The following LRRC4C variants were observed in gnomAD, a reference collection of about 807,000 sequenced individuals.
LRRC4C encodes the protein leucine rich repeat containing 4C, also known as leucine-rich repeat-containing protein 4C.
In LRRC4C, 5 loss-of-function variants were observed where a neutral mutation model predicts 33.6. That is an observed-to-expected ratio of 0.15 (90% CI 0.08 to 0.31). LRRC4C has a LOEUF of 0.31. Ranked by LOEUF, LRRC4C falls within the 10% of genes least tolerant of loss-of-function variation. The pLI is 1.00. For missense variants in LRRC4C, 560 were observed against 796.7 expected, an observed-to-expected ratio of 0.70 and a Z score of 3.58; for synonymous variants, 329 against 302.0, an observed-to-expected ratio of 1.09 and a Z score of -0.93.
At chr11:40,350,775 A>G (rs1395519730) in intron 3 of LRRC4C, among the ~76,000 whole-genome samples, 2 of 151,928 alleles carry the variant, frequency 1.3e-5, no homozygotes, top group African/African-American at 2.4e-5. Context: ...TTCGTGCATT[A>G]ATGTTTTACA....
chr11:40,489,910 A>T (rs559084166), intron 3 of LRRC4C, among the ~76,000 whole-genome samples: 1 of 152,128 alleles, frequency 6.6e-6, no homozygotes, highest in African/African-American at 2.4e-5. Flanking sequence ...TTGAGCACTC[A>T]CTGTGTGTCT....
intron 1 of LRRC4C, among the ~76,000 whole-genome samples, chr11:41,287,502 C>T (rs1949865086): frequency 6.6e-6 from 1 of 151,926 alleles, no homozygotes; most frequent in South Asian, 2.1e-4. Flanking sequence ...ACTTTTGCAC[C>T]AATCTAATAT....
intron 1 of LRRC4C, among the ~76,000 whole-genome samples, chr11:41,334,108 C>A (rs905582280): frequency 2.0e-5 from 3 of 152,130 alleles, no homozygotes; most frequent in African/African-American, 7.2e-5. Flanking sequence ...TCGTAAGAGG[C>A]GTGGAATAGG....
intron 1 of LRRC4C, among the ~76,000 whole-genome samples, chr11:41,414,263 C>G (rs1382401886): frequency 6.6e-6 from 1 of 152,124 alleles, no homozygotes; most frequent in African/African-American, 2.4e-5. Context: ...AAAGAAGAGG[C>G]AAGATTCCTC....
intron 2 of LRRC4C, among the ~76,000 whole-genome samples, chr11:40,907,711 A>G (rs1956484090): frequency 1.3e-5 from 2 of 152,298 alleles, no homozygotes; most frequent in South Asian, 4.1e-4. Context: ...ATTCTCAGTG[A>G]AAACACATTA....
intron 3 of LRRC4C, among the ~76,000 whole-genome samples, chr11:40,389,148 A>G (rs930871890): frequency 6.6e-6 from 1 of 152,170 alleles, no homozygotes; most frequent in Non-Finnish European, 1.5e-5. Flanking sequence ...ACAGGGGAGA[A>G]TTTGAAGCTG....
chr11:40,436,542 C>G (rs927728545), intron 3 of LRRC4C, among the ~76,000 whole-genome samples: 1 of 152,144 alleles, frequency 6.6e-6, no homozygotes, highest in Non-Finnish European at 1.5e-5. Flanking sequence ...GTCAAACCAG[C>G]CTCTCTCCTG....
At chr11:40,957,515 A>G (rs1346929898) in intron 1 of LRRC4C, among the ~76,000 whole-genome samples, 1 of 151,706 alleles carries the variant, frequency 6.6e-6, no homozygotes, top group African/African-American at 2.4e-5. Context: ...TTTCTGAACT[A>G]TGTTCAACAT....
intron 3 of LRRC4C, among the ~76,000 whole-genome samples, chr11:40,492,047 A>T (rs1412168185): frequency 6.6e-6 from 1 of 152,186 alleles, no homozygotes; most frequent in East Asian, 1.9e-4. Flanking sequence ...ACATACACCT[A>T]ATTTTTCTAG....
At chr11:41,403,047 T>A (rs1954084868) in intron 1 of LRRC4C, among the ~76,000 whole-genome samples, 1 of 152,238 alleles carries the variant, frequency 6.6e-6, no homozygotes, top group Admixed American at 6.6e-5. Context: ...TTTTTTTCTT[T>A]GCTGAAGTAT....
chr11:41,160,131 G>C (rs936520046), intron 1 of LRRC4C, among the ~76,000 whole-genome samples: 10 of 152,112 alleles, frequency 6.6e-5, no homozygotes, highest in African/African-American at 2.4e-4. Context: ...AAAGTGAAAA[G>C]AGATATTTAA....
At chr11:40,252,928 C>T (rs1404450446) in intron 4 of LRRC4C, among the ~76,000 whole-genome samples, 1 of 152,116 alleles carries the variant, frequency 6.6e-6, no homozygotes, top group Non-Finnish European at 1.5e-5. Flanking sequence ...TTTCCCAGAC[C>T]TAAAGTCTCT....
At chr11:40,808,375 C>T (rs549747939) in intron 2 of LRRC4C, among the ~76,000 whole-genome samples, 3 of 152,172 alleles carry the variant, frequency 2.0e-5, no homozygotes, top group Admixed American at 6.5e-5. Flanking sequence ...TTAAGCATTC[C>T]TTTCTGTGTC....
At chr11:40,641,015 C>A (rs1336090903) in intron 3 of LRRC4C, among the ~76,000 whole-genome samples, 70 of 110,068 alleles carry the variant, frequency 6.4e-4, no homozygotes, top group East Asian at 1.1e-3. Context: ...GAGTCCATCT[C>A]AAAAAAAAAA....
intron 1 of LRRC4C, among the ~76,000 whole-genome samples, chr11:41,140,225 C>T (rs1232879345): frequency 6.6e-6 from 1 of 152,116 alleles, no homozygotes; most frequent in Non-Finnish European, 1.5e-5. Context: ...TCCTGGAAAA[C>T]AATGAAGGTT....
chr11:41,122,546 C>T (rs1295467899), intron 1 of LRRC4C, among the ~76,000 whole-genome samples: 3 of 151,866 alleles, frequency 2.0e-5, no homozygotes, highest in Admixed American at 6.6e-5. Flanking sequence ...AAAATCATAA[C>T]TTTTAATATG....
intron 1 of LRRC4C, among the ~76,000 whole-genome samples, chr11:41,292,176 G>C (rs989383678): frequency 6.6e-6 from 1 of 152,094 alleles, no homozygotes; most frequent in Non-Finnish European, 1.5e-5. Context: ...ACTGATGTGA[G>C]GAACAGCTAT....
In LRRC4C at chr11:41,083,970, C is replaced by T. The variant is rs1029653714; in HGVS notation, c.-495-150247G>A. Among the ~76,000 whole-genome samples, 7 of 152,284 alleles carry T rather than the reference C, an allele frequency of 4.6e-5. 1 individual carries two copies. The highest frequency in any genetic ancestry group is 2.1e-4 in the South Asian group (1 of 4,822). On this transcript the variant is annotated intron_variant, in intron 1 of 6. Transcript: ENST00000528697. ...ATTGTAAACTGCTGTATCACAGAGA[C>T]GATGTCTCCTTTGCATAGAACTCTC... is the stretch of plus-strand genomic sequence containing the variant.
intron 3 of LRRC4C, among the ~76,000 whole-genome samples, chr11:40,442,162 CAAAA>C (rs1158464665): frequency 1.8e-5 from 1 of 56,188 alleles, no homozygotes; most frequent in Non-Finnish European, 3.2e-5. Flanking sequence ...GACTCCATTT[CAAAA>C]AAAAAAAAAA....
Sources: gnomAD v4.1 joint callset for allele counts (sites outside exome capture counted in the v4.1 genomes callset) on GRCh38, gnomAD v4.1.1 for gene constraint, MANE v1.5 for transcripts, NCBI Gene and HGNC (gene_info 2026-07-23, HGNC 2026-07-21) for gene names.